The following ADARB2 variants were observed in gnomAD, a reference collection of about 807,000 sequenced individuals.
ADARB2 encodes adenosine deaminase RNA specific B2 (inactive).
Under a neutral mutation model 62.2 loss-of-function variants are expected in ADARB2, and 25 were observed. The ratio of observed to expected loss-of-function variants is 0.40; its 90% CI spans 0.29 to 0.56. The LOEUF is 0.56. Ranked by LOEUF, ADARB2 falls within the 20% of genes least tolerant of loss-of-function variation. The probability of loss-of-function intolerance (pLI) is 0.43; values close to 1 mark genes in which losing one functional copy is unlikely to be tolerated. For synonymous variants in ADARB2, 572 were observed against 500.8 expected (o/e 1.14, Z -1.90); for missense variants, 1,071 against 1,077.4 (o/e 0.99, Z 0.08).
intron 1 of ADARB2, among the ~76,000 whole-genome samples, chr10:1,549,920 C>T (rs1345059584): frequency 6.6e-6 from 1 of 152,184 alleles, no homozygotes; most frequent in Non-Finnish European, 1.5e-5. Context: ...TCTCTGTGCC[C>T]ATCCAGGAAG....
intron 1 of ADARB2, among the ~76,000 whole-genome samples, chr10:1,450,249 C>T (rs1205713292): frequency 6.6e-6 from 1 of 152,246 alleles, no homozygotes; most frequent in Non-Finnish European, 1.5e-5. Context: ...GAGGACAACT[C>T]ATCTTATTTT....
intron 1 of ADARB2, among the ~76,000 whole-genome samples, chr10:1,714,662 G>T (rs185690183): frequency 3.3e-5 from 5 of 152,322 alleles, no homozygotes; most frequent in Admixed American, 3.3e-4. Context: ...ACAGAAGGCA[G>T]GAAGATCAAT....
In ADARB2 at chr10:1,232,477, C is replaced by T. The variant is rs184513076; in HGVS notation, c.1513+1217G>A. 7.6e-3 allele frequency among the ~76,000 whole-genome samples: 1,100 copies of T among 145,202 alleles called. 23 individuals are homozygous for T. Among genetic ancestry groups the T allele is most frequent in the African/African-American group, 0.027 (1,037 of 38,926 alleles). On this transcript the variant is annotated intron_variant, in intron 6 of 9. Transcript: ENST00000381312. Reference sequence around the variant, plus strand: ...ATGCATGTATGGCATATATGGCATGCGTGTAGTGTACATGCTATGCATGTG... The same window carrying T: ...ATGCATGTATGGCATATATGGCATGTGTGTAGTGTACATGCTATGCATGTG...
At chr10:1,405,443 A>G (rs1588246267) in intron 1 of ADARB2, among the ~76,000 whole-genome samples, 1 of 152,070 alleles carries the variant, frequency 6.6e-6, no homozygotes, top group African/African-American at 2.4e-5. Context: ...CAGCCTGGCC[A>G]ACGTGGCAAA....
At chr10:1,339,435 T>C (rs1431185573) in intron 3 of ADARB2, among the ~76,000 whole-genome samples, 1 of 152,238 alleles carries the variant, frequency 6.6e-6, no homozygotes, top group African/African-American at 2.4e-5. Context: ...TAATAGGTTG[T>C]GAGGAGGTGG....
At chr10:1,550,370 G>C (rs1170143263) in intron 1 of ADARB2, among the ~76,000 whole-genome samples, 1 of 152,230 alleles carries the variant, frequency 6.6e-6, no homozygotes, top group Non-Finnish European at 1.5e-5. Flanking sequence ...GCGAACAGCA[G>C]CTATTTTCTG....
Position 1,675,929 on chromosome 10 carries a change from G to A in ADARB2, c.100+61122C>T, listed in dbSNP as rs549427327. On this transcript the variant is annotated intron_variant, in intron 1 of 9. Transcript: ENST00000381312. ...GCTGCAGAGGTCCGCGTGGGTCAGA[G>A]TTGAATCTGCTCAGACTTGGAGCCC... 7.7e-6 allele frequency: 7 copies of A among 912,972 alleles called. No individual in the cohort carries two copies. In the South Asian group the frequency reaches 3.5e-4, roughly 46 times the overall value. The allele number at this position is 912,972 out of a possible 1,614,324, so 56.6% of individuals were successfully genotyped here.
intron 1 of ADARB2, among the ~76,000 whole-genome samples, chr10:1,417,426 A>G (rs1832813641): frequency 6.6e-6 from 1 of 152,188 alleles, no homozygotes; most frequent in Admixed American, 6.5e-5. Context: ...GCGATTTCTA[A>G]GGCACTCTGC....
At chr10:1,500,909 C>T (rs1015541754) in intron 1 of ADARB2, among the ~76,000 whole-genome samples, 1 of 152,198 alleles carries the variant, frequency 6.6e-6, no homozygotes, top group Non-Finnish European at 1.5e-5. Flanking sequence ...GAGTCTTGCT[C>T]TGTCTCCCAG....
At chr10:1,598,717 C>A (rs188188774) in intron 1 of ADARB2, among the ~76,000 whole-genome samples, 131 of 152,302 alleles carry the variant, frequency 8.6e-4, no homozygotes, top group Admixed American at 1.4e-3. Flanking sequence ...GGCGTGGGGA[C>A]ACGAAGGAGC....
chr10:1,582,238 C>T (rs911984942), intron 1 of ADARB2, among the ~76,000 whole-genome samples: 5 of 152,172 alleles, frequency 3.3e-5, no homozygotes, highest in Non-Finnish European at 7.3e-5. Context: ...CCAGCTACTT[C>T]GGCAGCAGTG....
At chr10:1,301,135 G>A (rs965675624) in intron 3 of ADARB2, among the ~76,000 whole-genome samples, 1 of 152,210 alleles carries the variant, frequency 6.6e-6, no homozygotes, top group African/African-American at 2.4e-5. Flanking sequence ...ACGCTTTCTT[G>A]TCTCTTCAGT....
intron 1 of ADARB2, among the ~76,000 whole-genome samples, chr10:1,592,349 C>T (rs1008243968): frequency 1.1e-4 from 15 of 135,640 alleles, no homozygotes; most frequent in Non-Finnish European, 1.3e-4. Flanking sequence ...CATAGGTCTC[C>T]TCTCTGGCAT....
chr10:1,613,215 T>C (rs1054238701), intron 1 of ADARB2, among the ~76,000 whole-genome samples: 2 of 152,248 alleles, frequency 1.3e-5, no homozygotes, highest in Non-Finnish European at 2.9e-5. Context: ...GGAAGCAACA[T>C]GGTTCTCAGA....
intron 1 of ADARB2, among the ~76,000 whole-genome samples, chr10:1,519,002 T>C (rs527633786): frequency 2.0e-5 from 3 of 151,442 alleles, no homozygotes; most frequent in Non-Finnish European, 1.5e-5. Flanking sequence ...CTGCATTCCA[T>C]GTAACGTCTG....
intron 4 of ADARB2, among the ~76,000 whole-genome samples, chr10:1,263,400 A>G (rs947294622): frequency 7.2e-5 from 11 of 152,206 alleles, no homozygotes; most frequent in African/African-American, 2.7e-4. Flanking sequence ...TTATTTTTTC[A>G]CCAACAAAGT....
chr10:1,233,986 T>TTC, intron 5 of ADARB2, 141 bp from the exon 6 acceptor site: 3 of 1,038,518 alleles, frequency 2.9e-6, no homozygotes, highest in Non-Finnish European at 3.9e-6. Context: ...TCCTTTTTTT[T>TTC]TTGAGACGGA....
intron 1 of ADARB2, among the ~76,000 whole-genome samples, chr10:1,567,748 C>A (rs1463010046): frequency 6.6e-6 from 1 of 152,126 alleles, no homozygotes; most frequent in Non-Finnish European, 1.5e-5. Context: ...TCACCACTAT[C>A]TTCCTCACAA....
Position 1,363,407 on chromosome 10 carries a change from C to A in ADARB2, c.698G>T (p.Arg233Leu). The change falls in exon 3 of 10, where the codon CGC (arginine) becomes CTC (leucine). Residue 233 changes from arginine (R) to leucine (L), a missense_variant. Transcript: ENST00000381312. ...GGGGCGGCCTCCCGCGAGTCCGGGG[C>A]GCGGCGCCGGGGGCTCGAACTCCTG... ...LFQEFEPPAP[R>L]PGLAGGRPGD... 1 of 1,357,926 alleles carries A rather than the reference C, an allele frequency of 7.4e-7. No homozygotes were observed. The highest frequency in any genetic ancestry group is 9.5e-7 in the Non-Finnish European group (1 of 1,053,606). 84.1% of individuals were successfully genotyped at this position (1,357,926 alleles called of 1,614,324 possible). A position where few individuals can be genotyped will look rare whatever the true frequency, so the allele number is the denominator to read the frequency against.
Sources: allele counts gnomAD v4.1 joint callset (sites outside exome capture counted in the v4.1 genomes callset), GRCh38; gene constraint gnomAD v4.1.1; transcripts MANE v1.5; gene names NCBI Gene and HGNC (gene_info 2026-07-23, HGNC 2026-07-21).